The following LINGO2 variants were observed in gnomAD, a reference collection of about 807,000 sequenced individuals.
LINGO2 encodes the protein leucine rich repeat and Ig domain containing 2.
In LINGO2, 14 loss-of-function variants were observed where a neutral mutation model predicts 30.6. That is an observed-to-expected ratio of 0.46 (90% CI 0.30 to 0.72). LINGO2 has a LOEUF of 0.72. LINGO2 is among the 30% of genes least tolerant of loss of function. The probability of loss-of-function intolerance (pLI) is 0.07; values close to 1 mark genes in which losing one functional copy is unlikely to be tolerated. For synonymous variants in LINGO2, 317 were observed against 288.5 expected, an observed-to-expected ratio of 1.10 and a Z score of -1.00; for missense variants, 729 against 751.7, an observed-to-expected ratio of 0.97 and a Z score of 0.35.
chr9:28,840,222 C>T, the LINGO2 span, among the ~76,000 whole-genome samples: 1 of 151,758 alleles, frequency 6.6e-6, no homozygotes, highest in African/African-American at 2.4e-5. Flanking sequence ...GTCTCCCACC[C>T]CTTCAAGTTG....
chr9:28,309,145 T>C (rs1465617805), intron 3 of LINGO2, among the ~76,000 whole-genome samples: 1 of 152,114 alleles, frequency 6.6e-6, no homozygotes, highest in Non-Finnish European at 1.5e-5. Flanking sequence ...ATGTTTATTG[T>C]GGCATTATTC....
At chr9:29,199,974 G>T in the LINGO2 span, among the ~76,000 whole-genome samples, 41 of 152,034 alleles carry the variant, frequency 2.7e-4, no homozygotes, top group African/African-American at 9.4e-4. Flanking sequence ...GAAGCTTAAC[G>T]AAAACTATCA....
At chr9:28,337,780 G>C (rs893836100) in intron 3 of LINGO2, among the ~76,000 whole-genome samples, 2 of 152,240 alleles carry the variant, frequency 1.3e-5, no homozygotes, top group Admixed American at 6.5e-5. Flanking sequence ...GGTGCACAGA[G>C]GTCAAGAATT....
chr9:29,190,511 C>T, the LINGO2 span, among the ~76,000 whole-genome samples: 3 of 151,986 alleles, frequency 2.0e-5, no homozygotes, highest in African/African-American at 7.2e-5. Context: ...TTTAGTTATT[C>T]CCAGTGTTTT....
intron 2 of LINGO2, among the ~76,000 whole-genome samples, chr9:28,443,783 CA>C (rs1334500656): frequency 6.6e-6 from 1 of 152,160 alleles, no homozygotes; most frequent in Non-Finnish European, 1.5e-5. Context: ...GCCTGAGCAC[CA>C]CAAACAGCAC....
At chr9:27,955,810 G>A (rs886279570) in intron 5 of LINGO2, among the ~76,000 whole-genome samples, 1 of 151,948 alleles carries the variant, frequency 6.6e-6, no homozygotes, top group African/African-American at 2.4e-5. Flanking sequence ...TATAGGGTAG[G>A]AATATGTATA....
intron 3 of LINGO2, among the ~76,000 whole-genome samples, chr9:28,316,705 G>A (rs1240638623): frequency 2.0e-5 from 3 of 152,104 alleles, no homozygotes; most frequent in East Asian, 3.9e-4. Context: ...TTAAGCAGAA[G>A]AGATGAAGGA....
the LINGO2 span, among the ~76,000 whole-genome samples, chr9:28,696,922 T>C: frequency 0.013 from 1,903 of 152,030 alleles, 31 homozygotes; most frequent in African/African-American, 0.043. Context: ...TAAATTTTTT[T>C]TTCCTTGGCA....
At chr9:28,759,265 G>A in the LINGO2 span, among the ~76,000 whole-genome samples, 1 of 152,102 alleles carries the variant, frequency 6.6e-6, no homozygotes, top group Non-Finnish European at 1.5e-5. Context: ...GGACACTGTA[G>A]ATGAGACATT....
chr9:28,576,761 T>C (rs7031710), intron 1 of LINGO2, among the ~76,000 whole-genome samples: 88,401 of 151,948 alleles, frequency 0.58, 26,185 homozygotes, highest in East Asian at 0.69. Context: ...ATTACATGAG[T>C]ATGTTCTTCA....
At chr9:28,954,258 T>C in the LINGO2 span, among the ~76,000 whole-genome samples, 1 of 152,158 alleles carries the variant, frequency 6.6e-6, no homozygotes, top group African/African-American at 2.4e-5. Context: ...GTTAAAATGA[T>C]GTTAAATGAA....
chr9:29,096,079 T>C, the LINGO2 span, among the ~76,000 whole-genome samples: 1 of 138,760 alleles, frequency 7.2e-6, no homozygotes, highest in African/African-American at 2.7e-5. Flanking sequence ...ATGATGTTAC[T>C]GTTGATAGGA....
the LINGO2 span, among the ~76,000 whole-genome samples, chr9:28,824,913 T>C: frequency 6.6e-6 from 1 of 152,288 alleles, no homozygotes; most frequent in Non-Finnish European, 1.5e-5. Context: ...TCTCCTCTTC[T>C]TTTCTTTAGT....
chr9:28,050,862 TTA>T (rs1343615722), intron 4 of LINGO2, among the ~76,000 whole-genome samples: 7 of 151,104 alleles, frequency 4.6e-5, no homozygotes, highest in African/African-American at 7.3e-5. Context: ...TTTGGTGATT[TTA>T]TATAAGTTGA....
the LINGO2 span, among the ~76,000 whole-genome samples, chr9:28,773,685 T>A: frequency 6.6e-6 from 1 of 152,230 alleles, no homozygotes; most frequent in Non-Finnish European, 1.5e-5. Context: ...AATAGTAAGA[T>A]GATATTTTGC....
chr9:29,031,029 C>A, the LINGO2 span, among the ~76,000 whole-genome samples: 1 of 152,028 alleles, frequency 6.6e-6, no homozygotes, highest in East Asian at 1.9e-4. Flanking sequence ...CAAAGACTAT[C>A]CTTATACATT....
chr9:28,482,122 C>T (rs1433712788), intron 1 of LINGO2, among the ~76,000 whole-genome samples: 1 of 151,950 alleles, frequency 6.6e-6, no homozygotes, highest in Admixed American at 6.6e-5. Flanking sequence ...GATTTATAGT[C>T]CTTTGGGTAT....
At chr9:27,973,371 C>T (rs1393502058) in intron 5 of LINGO2, among the ~76,000 whole-genome samples, 2 of 152,136 alleles carry the variant, frequency 1.3e-5, no homozygotes, top group African/African-American at 2.4e-5. Context: ...TGAATCTTCA[C>T]TGTTCATGAA....
At chr9:28,045,328 T>C (rs956879409) in intron 4 of LINGO2, among the ~76,000 whole-genome samples, 4 of 152,192 alleles carry the variant, frequency 2.6e-5, no homozygotes, top group African/African-American at 7.2e-5. Flanking sequence ...GAGTATTTTA[T>C]AGACAGACTG....
Sources: allele counts gnomAD v4.1 joint callset (sites outside exome capture counted in the v4.1 genomes callset), GRCh38; gene constraint gnomAD v4.1.1; transcripts MANE v1.5; gene names NCBI Gene and HGNC (gene_info 2026-07-23, HGNC 2026-07-21).